The following EHBP1 variants were observed in gnomAD, a reference collection of about 807,000 sequenced individuals.
EHBP1 encodes the protein EH domain binding protein 1, also known as EH domain-binding protein 1.
A neutral mutation model predicts 144.0 loss-of-function variants in EHBP1; 55 were observed. That is an observed-to-expected ratio of 0.38 (90% CI 0.31 to 0.48). The LOEUF is 0.48. Among genes scored for constraint, EHBP1 ranks in the 20% least tolerant of loss-of-function variants. The pLI is 0.98. For synonymous variants in EHBP1, 469 were observed against 472.7 expected, an observed-to-expected ratio of 0.99 and a Z score of 0.10; for missense variants, 1,200 against 1,364.2, an observed-to-expected ratio of 0.88 and a Z score of 1.90.
intron 21 of EHBP1, among the ~76,000 whole-genome samples, chr2:63,040,008 C>T (rs191082279): frequency 2.0e-5 from 3 of 151,950 alleles, no homozygotes; most frequent in East Asian, 3.9e-4. Flanking sequence ...TTCTGTGAAA[C>T]GTGCCATTGA....
intron 16 of EHBP1, among the ~76,000 whole-genome samples, chr2:62,993,030 G>A (rs910410818): frequency 1.3e-5 from 2 of 152,110 alleles, no homozygotes; most frequent in Admixed American, 6.6e-5. Context: ...AGGAAGCTCC[G>A]GAAAAGATAA....
chr2:62,705,576 C>CTTG (rs2034465403), upstream of EHBP1: 1 of 152,144 alleles, frequency 6.6e-6, no homozygotes, highest in Non-Finnish European at 1.5e-5. Flanking sequence ...AAGGCGGAGC[C>CTTG]CCTGTGATGG....
chr2:62,831,458 T>A (rs2046818816), intron 7 of EHBP1, among the ~76,000 whole-genome samples: 1 of 152,204 alleles, frequency 6.6e-6, no homozygotes, highest in African/African-American at 2.4e-5. Flanking sequence ...ATGAAACCTC[T>A]GTAAGTAAAG....
rs1419809932 is a variant in EHBP1, at chr2:62,699,935, G to A, written c.-295-6962G>A. 2.6e-5 allele frequency among the ~76,000 whole-genome samples: 4 copies of A among 152,200 alleles called. No individual in the cohort carries two copies. In the East Asian group the frequency reaches 7.7e-4, roughly 29 times the overall value. On this transcript the variant is annotated intron_variant, in intron 1 of 22. Transcript: ENST00000405015. The stretch of plus-strand genomic sequence containing the variant: ...CCCATGTTGGTCTTTTCTAGATGCT[G>A]TGGAGCTGGACAAAATTGTATTTTT...
intron 7 of EHBP1, among the ~76,000 whole-genome samples, chr2:62,847,801 A>G (rs2048396115): frequency 1.3e-5 from 2 of 152,230 alleles, no homozygotes; most frequent in South Asian, 4.1e-4. Context: ...CAGCTAAATA[A>G]TAAAAAAGAC....
intron 5 of EHBP1, among the ~76,000 whole-genome samples, chr2:62,818,089 A>T (rs76058905): frequency 6.6e-6 from 1 of 151,602 alleles, no homozygotes; most frequent in Non-Finnish European, 1.5e-5. Flanking sequence ...GTGTACCATT[A>T]AAAAAACTTT....
intron 4 of EHBP1, among the ~76,000 whole-genome samples, chr2:62,768,499 G>A (rs996549742): frequency 4.6e-5 from 7 of 152,088 alleles, no homozygotes; most frequent in Admixed American, 6.5e-5. Context: ...GACCAATAAC[G>A]AGCTTCAAAA....
At chr2:63,001,323 A>T (rs2059838249) in intron 19 of EHBP1, among the ~76,000 whole-genome samples, 1 of 152,226 alleles carries the variant, frequency 6.6e-6, no homozygotes, top group South Asian at 2.1e-4. Flanking sequence ...TCTCAAAAAT[A>T]CTGATACTGT....
chr2:62,695,687 C>G (rs1012502996), intron 1 of EHBP1, among the ~76,000 whole-genome samples: 1 of 152,150 alleles, frequency 6.6e-6, no homozygotes. Context: ...CGATCTAAAA[C>G]TACAATTATA....
intron 10 of EHBP1, among the ~76,000 whole-genome samples, chr2:62,938,149 G>C (rs1365991157): frequency 6.6e-6 from 1 of 152,104 alleles, no homozygotes; most frequent in Non-Finnish European, 1.5e-5. Flanking sequence ...AAATGAGCAG[G>C]TTGTAAAGAA....
At chr2:62,958,825 T>C (rs1441324870) in intron 14 of EHBP1, among the ~76,000 whole-genome samples, 2 of 152,144 alleles carry the variant, frequency 1.3e-5, no homozygotes, top group Non-Finnish European at 2.9e-5. Flanking sequence ...CTGAAAGATA[T>C]AAAAGAGTAA....
intron 3 of EHBP1, among the ~76,000 whole-genome samples, chr2:62,755,983 G>A (rs2040242269): frequency 6.6e-6 from 1 of 151,876 alleles, no homozygotes; most frequent in Admixed American, 6.6e-5. Flanking sequence ...GGTCAATTAA[G>A]AATACCCTGG....
At chr2:62,804,591 A>G (rs2044296735) in intron 5 of EHBP1, among the ~76,000 whole-genome samples, 1 of 152,254 alleles carries the variant, frequency 6.6e-6, no homozygotes, top group Non-Finnish European at 1.5e-5. Context: ...ATAAAAACTA[A>G]CGTATATTTA....
intron 1 of EHBP1, among the ~76,000 whole-genome samples, chr2:62,676,932 G>T (rs2033318614): frequency 6.6e-6 from 1 of 152,166 alleles, no homozygotes; most frequent in African/African-American, 2.4e-5. Context: ...CCAGCACTTT[G>T]GGAGGCCAAG....
intron 3 of EHBP1, among the ~76,000 whole-genome samples, chr2:62,752,455 G>T (rs111385347): frequency 2.6e-5 from 4 of 152,314 alleles, no homozygotes; most frequent in African/African-American, 9.6e-5. Context: ...TGTATATTCT[G>T]TTGATCTGGG....
intron 5 of EHBP1, among the ~76,000 whole-genome samples, chr2:62,782,718 T>C (rs932390258): frequency 1.2e-4 from 19 of 152,122 alleles, no homozygotes; most frequent in Non-Finnish European, 1.6e-4. Flanking sequence ...TTCAGTTATC[T>C]CCACCTGGTC....
At chr2:62,795,110 A>T (rs1469747980) in intron 5 of EHBP1, among the ~76,000 whole-genome samples, 1 of 152,120 alleles carries the variant, frequency 6.6e-6, no homozygotes, top group Middle Eastern at 3.2e-3. Flanking sequence ...AAAAAAAAGG[A>T]ACTTTTTAGC....
intron 5 of EHBP1, among the ~76,000 whole-genome samples, chr2:62,821,291 A>T (rs2045962605): frequency 6.6e-6 from 1 of 152,172 alleles, no homozygotes; most frequent in Non-Finnish European, 1.5e-5. Context: ...AATTTTACTT[A>T]TTGTGGGGTT....
At chr2:62,904,848 G>A (rs772928265) in intron 10 of EHBP1, among the ~76,000 whole-genome samples, 12 of 152,104 alleles carry the variant, frequency 7.9e-5, no homozygotes, top group Non-Finnish European at 1.2e-4. Flanking sequence ...AAGATTTCTA[G>A]TGTCTTACCA....
Sources: gnomAD v4.1 joint callset for allele counts (sites outside exome capture counted in the v4.1 genomes callset) on GRCh38, gnomAD v4.1.1 for gene constraint, MANE v1.5 for transcripts, NCBI Gene and HGNC (gene_info 2026-07-23, HGNC 2026-07-21) for gene names.